The following SCFD2 variants were observed in gnomAD, a reference collection of about 807,000 sequenced individuals.
SCFD2 encodes the protein sec1 family domain containing 2.
SCFD2 carries 54 observed loss-of-function variants against 58.9 expected under a neutral mutation model. The observed-to-expected ratio is 0.92, with a 90% CI of 0.74 to 1.15. SCFD2 has a LOEUF of 1.15. Among genes scored for constraint, SCFD2 ranks in the 50% most tolerant of loss-of-function variants. The pLI, the probability that SCFD2 is intolerant of heterozygous loss-of-function variation, is 0.00. For synonymous variants in SCFD2, 321 were observed against 335.9 expected, an observed-to-expected ratio of 0.96 and a Z score of 0.49; for missense variants, 805 against 836.6, an observed-to-expected ratio of 0.96 and a Z score of 0.47.
chr4:53,246,164 A>G (rs560809482), intron 4 of SCFD2, among the ~76,000 whole-genome samples: 1 of 152,196 alleles, frequency 6.6e-6, no homozygotes, highest in South Asian at 2.1e-4. Context: ...CTACAATGAG[A>G]ATTACAAAAC....
chr4:52,905,168 A>T (rs1719315570), intron 7 of SCFD2, among the ~76,000 whole-genome samples: 1 of 152,214 alleles, frequency 6.6e-6, no homozygotes, highest in Admixed American at 6.5e-5. Flanking sequence ...TCTTCTGGAG[A>T]GCCTTAAAGC....
At chr4:53,323,088 G>T (rs147453052) in intron 2 of SCFD2, among the ~76,000 whole-genome samples, 66 of 152,296 alleles carry the variant, frequency 4.3e-4, no homozygotes, top group Non-Finnish European at 8.1e-4. Context: ...TGACACCATT[G>T]TGTCTATATG....
chr4:53,048,440 T>TA (rs1723098894), intron 5 of SCFD2, among the ~76,000 whole-genome samples: 1 of 151,742 alleles, frequency 6.6e-6, no homozygotes, highest in African/African-American at 2.4e-5. Flanking sequence ...TGTCTTGACC[T>TA]GAAAAAATGA....
At chr4:53,117,105 T>C (rs1259657421) in intron 5 of SCFD2, among the ~76,000 whole-genome samples, 5 of 152,196 alleles carry the variant, frequency 3.3e-5, no homozygotes, top group Non-Finnish European at 7.3e-5. Flanking sequence ...GCACTCTGTG[T>C]ACTGGAACTG....
rs561653699 is a variant in SCFD2 at position 53,202,934 on chromosome 4, A to G, written c.1312-57352T>C. Among the ~76,000 whole-genome samples, 437 of 152,280 alleles carry G rather than the reference A, an allele frequency of 2.9e-3. 2 individuals are homozygous for G. Among genetic ancestry groups the G allele is most frequent in the African/African-American group, 9.9e-3 (413 of 41,568 alleles). ...GCTGAAGGAGATTTTGGGCTGAGACAATGGGGTTATCTAGATATACAATCA... is the reference window on the plus strand; with the variant it reads ...GCTGAAGGAGATTTTGGGCTGAGACGATGGGGTTATCTAGATATACAATCA... On this transcript the variant is annotated intron_variant, in intron 4 of 8. Transcript: ENST00000401642.
chr4:53,358,367 A>G (rs1404242295), intron 1 of SCFD2, among the ~76,000 whole-genome samples: 1 of 152,062 alleles, frequency 6.6e-6, no homozygotes, highest in African/African-American at 2.4e-5. Flanking sequence ...TATCTCTACT[A>G]AAAAACAAAA....
intron 5 of SCFD2, among the ~76,000 whole-genome samples, chr4:53,044,826 C>G (rs1722988379): frequency 7.3e-6 from 1 of 137,060 alleles, no homozygotes; most frequent in African/African-American, 3.3e-5. Context: ...AAGAGTATTT[C>G]TGTTTTTTTT....
intron 3 of SCFD2, among the ~76,000 whole-genome samples, chr4:53,274,329 GAGCTCAACTTGGAGTACCTCTTT>G (rs1246632311): frequency 6.6e-6 from 1 of 152,046 alleles, no homozygotes; most frequent in East Asian, 1.9e-4. Flanking sequence ...AATATTTGTT[GAGCTCAACTTGGAGTACCTCTTT>G]ATGACATATG....
At chr4:52,935,903 T>A (rs1469186872) in intron 5 of SCFD2, among the ~76,000 whole-genome samples, 1 of 151,996 alleles carries the variant, frequency 6.6e-6, no homozygotes, top group Non-Finnish European at 1.5e-5. Context: ...AATGGCATGA[T>A]CTCGGCTCAC....
chr4:53,020,789 T>C (rs528752068), intron 5 of SCFD2, among the ~76,000 whole-genome samples: 2 of 152,258 alleles, frequency 1.3e-5, no homozygotes, highest in South Asian at 4.2e-4. Context: ...CTAGGAACCA[T>C]GGATTAAACA....
rs72335886 is a variant in SCFD2 at position 53,212,575 on chromosome 4, CGTGTGTGT to C, written c.1311+61243_1311+61250del. On this transcript the variant is annotated intron_variant, in intron 4 of 8. Coordinates refer to ENST00000401642, the MANE Select transcript of SCFD2 (RefSeq NM_152540.4). ...AAGAGAGAGAGGAAGAAAGTGAGCA[CGTGTGTGT>C]GTGTGTGTGTGTGTGTGTGTGTGTG... Among the ~76,000 whole-genome samples, 546 of 142,194 alleles carry C rather than the reference CGTGTGTGT, an allele frequency of 3.8e-3. 5 individuals carry two copies. The highest frequency in any genetic ancestry group is 0.011 in the Middle Eastern group (3 of 282). 93.3% of individuals were successfully genotyped at this position (142,194 alleles called of 152,430 possible).
At chr4:53,204,577 T>G (rs1728351572) in intron 4 of SCFD2, among the ~76,000 whole-genome samples, 1 of 150,460 alleles carries the variant, frequency 6.6e-6, no homozygotes, top group Admixed American at 6.6e-5. Context: ...TTAAAAAACT[T>G]TTTGAATCTT....
At chr4:52,965,945 C>T (rs1720952911) in intron 5 of SCFD2, among the ~76,000 whole-genome samples, 1 of 152,318 alleles carries the variant, frequency 6.6e-6, no homozygotes, top group South Asian at 2.1e-4. Context: ...CATGGGTAAA[C>T]ATGCCAAATA....
At chr4:53,278,358 TAAA>T (rs771974130) in intron 3 of SCFD2, among the ~76,000 whole-genome samples, 2 of 122,194 alleles carry the variant, frequency 1.6e-5, no homozygotes. Context: ...GACTCCATCT[TAAA>T]AAAAAAAAAA....
intron 5 of SCFD2, among the ~76,000 whole-genome samples, chr4:52,962,027 C>A (rs981151287): frequency 2.6e-5 from 4 of 152,216 alleles, no homozygotes; most frequent in Non-Finnish European, 4.4e-5. Flanking sequence ...TGAGTCCCTG[C>A]ACCTCTGAAT....
At chr4:52,913,481 TC>T (rs928331135) in intron 6 of SCFD2, among the ~76,000 whole-genome samples, 4 of 152,158 alleles carry the variant, frequency 2.6e-5, no homozygotes, top group African/African-American at 9.7e-5. Flanking sequence ...TGTCTCTGTC[TC>T]CCATCACCCG....
chr4:53,334,426 A>C (rs1560452995), intron 2 of SCFD2, among the ~76,000 whole-genome samples: 1 of 151,890 alleles, frequency 6.6e-6, no homozygotes, highest in Non-Finnish European at 1.5e-5. Context: ...TAGCCATAAA[A>C]AATGATGAGT....
chr4:53,027,693 T>C (rs1286267860), intron 5 of SCFD2, among the ~76,000 whole-genome samples: 1 of 151,948 alleles, frequency 6.6e-6, no homozygotes, highest in African/African-American at 2.4e-5. Context: ...CCAGGTGTGG[T>C]GGCACCCACC....
chr4:53,089,663 GA>G (rs1435106407), intron 5 of SCFD2, among the ~76,000 whole-genome samples: 7 of 152,160 alleles, frequency 4.6e-5, no homozygotes, highest in Non-Finnish European at 8.8e-5. Context: ...CATAACAAAA[GA>G]TTTTTTTCTA....
Sources: allele counts gnomAD v4.1 joint callset (sites outside exome capture counted in the v4.1 genomes callset), GRCh38; gene constraint gnomAD v4.1.1; transcripts MANE v1.5; gene names NCBI Gene and HGNC (gene_info 2026-07-23, HGNC 2026-07-21).